LINGO2: variants seen among roughly 807,000 people sequenced by gnomAD.
LINGO2 encodes leucine-rich repeat and immunoglobulin-like domain-containing nogo receptor-interacting protein 2.
LINGO2 carries 14 observed loss-of-function variants against 30.6 expected under a neutral mutation model. The ratio of observed to expected loss-of-function variants is 0.46; its 90% confidence interval spans 0.30 to 0.72. The LOEUF is 0.72. Among genes scored for constraint, LINGO2 ranks in the 30% least tolerant of loss-of-function variants. LINGO2 has a pLI of 0.07. For missense variants in LINGO2, 729 were observed against 751.7 expected (o/e 0.97, Z 0.35); for synonymous variants, 317 against 288.5 (o/e 1.10, Z -1.00).
chr9:29,193,465 C>A, the LINGO2 span, among the ~76,000 whole-genome samples: 1 of 152,076 alleles, frequency 6.6e-6, no homozygotes, highest in African/African-American at 2.4e-5. Context: ...ATCCTCTATT[C>A]CTTCACTTCT....
intron 1 of LINGO2, among the ~76,000 whole-genome samples, chr9:28,576,533 T>C (rs1348862650): frequency 1.3e-5 from 2 of 152,208 alleles, no homozygotes; most frequent in Admixed American, 1.3e-4. Context: ...TATTCCGGAA[T>C]AACTGAATGC....
In LINGO2 at chr9:28,652,442, G is replaced by C. The variant is rs139680383; in HGVS notation, c.-365+17758C>G. On this transcript the variant is annotated intron_variant, in intron 1 of 5. Transcript: ENST00000379992. ...GACAGTTTCAACAACTCCAACTTAA[G>C]GCTTTTGGTCCTCCTGAAACTCATA... Among the ~76,000 whole-genome samples, 348 of 152,178 alleles carry C rather than the reference G, an allele frequency of 2.3e-3. 1 individual carries two copies. The highest frequency in any genetic ancestry group is 8.1e-3 in the African/African-American group (335 of 41,554).
At chr9:28,449,170 G>A (rs929291931) in intron 2 of LINGO2, among the ~76,000 whole-genome samples, 6 of 151,674 alleles carry the variant, frequency 4.0e-5, no homozygotes, top group South Asian at 2.1e-4. Flanking sequence ...AAGGCATCAC[G>A]CCACAGCCTG....
chr9:28,645,667 T>A (rs1422754743), intron 1 of LINGO2, among the ~76,000 whole-genome samples: 1 of 152,102 alleles, frequency 6.6e-6, no homozygotes, highest in Non-Finnish European at 1.5e-5. Context: ...AAGTAATTGA[T>A]GTGTTAGAAG....
At chr9:27,957,100 A>G (rs1007440718) in intron 5 of LINGO2, among the ~76,000 whole-genome samples, 6 of 152,162 alleles carry the variant, frequency 3.9e-5, no homozygotes, top group Non-Finnish European at 8.8e-5. Flanking sequence ...CTACAAAAAT[A>G]TAAATAAGTA....
the LINGO2 span, among the ~76,000 whole-genome samples, chr9:29,018,011 T>C: frequency 7.2e-6 from 1 of 138,600 alleles, no homozygotes; most frequent in Non-Finnish European, 1.5e-5. Context: ...TGGATAAATA[T>C]ATATAAATCT....
the LINGO2 span, among the ~76,000 whole-genome samples, chr9:29,098,744 G>T: frequency 2.0e-5 from 3 of 152,188 alleles, no homozygotes; most frequent in African/African-American, 7.2e-5. Flanking sequence ...AGAAGCCTTT[G>T]ATACTTTTTA....
At chr9:29,130,007 G>A in the LINGO2 span, among the ~76,000 whole-genome samples, 21 of 152,110 alleles carry the variant, frequency 1.4e-4, no homozygotes, top group Non-Finnish European at 2.9e-4. Flanking sequence ...ATAGGAATGT[G>A]GAATTCTTAC....
At chr9:28,366,474 T>C (rs762755854) in intron 3 of LINGO2, among the ~76,000 whole-genome samples, 9 of 152,280 alleles carry the variant, frequency 5.9e-5, no homozygotes, top group Admixed American at 2.6e-4. Context: ...CAAAGCCAAA[T>C]TGCATCTCTC....
chr9:27,986,468 G>A (rs1451780718), intron 5 of LINGO2, among the ~76,000 whole-genome samples: 1 of 151,774 alleles, frequency 6.6e-6, no homozygotes, highest in African/African-American at 2.4e-5. Flanking sequence ...GGTTATATAC[G>A]CAGAGTTTGG....
At chr9:28,337,361 A>T (rs1207779329) in intron 3 of LINGO2, among the ~76,000 whole-genome samples, 1 of 152,176 alleles carries the variant, frequency 6.6e-6, no homozygotes, top group Non-Finnish European at 1.5e-5. Flanking sequence ...TAAACAAATC[A>T]TTCAACAGGA....
At chr9:29,175,657 G>T in the LINGO2 span, among the ~76,000 whole-genome samples, 1 of 151,258 alleles carries the variant, frequency 6.6e-6, no homozygotes, top group Non-Finnish European at 1.5e-5. Context: ...CTCCTGAGTA[G>T]CTGGGATTGC....
chr9:28,189,262 AG>A (rs1447408453), intron 4 of LINGO2, among the ~76,000 whole-genome samples: 10 of 82,552 alleles, frequency 1.2e-4, no homozygotes, highest in Admixed American at 6.9e-4. Context: ...GGAGGAAGGA[AG>A]GGAGGGAGGA....
the LINGO2 span, among the ~76,000 whole-genome samples, chr9:28,724,189 A>G: frequency 1.3e-5 from 2 of 152,142 alleles, no homozygotes; most frequent in Non-Finnish European, 2.9e-5. Flanking sequence ...ACTGCATAAT[A>G]ATATAAACCA....
the LINGO2 span, among the ~76,000 whole-genome samples, chr9:29,178,143 C>T: frequency 6.6e-6 from 1 of 151,908 alleles, no homozygotes; most frequent in Admixed American, 6.6e-5. Flanking sequence ...GGAACCTCCG[C>T]CTCCTGGGTC....
chr9:28,416,504 A>G (rs10812814), intron 2 of LINGO2, among the ~76,000 whole-genome samples: 65,378 of 128,234 alleles, frequency 0.51, 14,737 homozygotes, highest in East Asian at 0.76. Context: ...TTCAAGAGAT[A>G]TTACCTTTTG....
At chr9:28,489,896 CAAAAAAAAAA>C in intron 1 of LINGO2, among the ~76,000 whole-genome samples, 2 of 66,914 alleles carry the variant, frequency 3.0e-5, no homozygotes, top group African/African-American at 5.5e-5. Flanking sequence ...GACTTTGTCT[CAAAAAAAAAA>C]AAAAAAAAAA....
chr9:29,118,893 C>T, the LINGO2 span, among the ~76,000 whole-genome samples: 1 of 152,152 alleles, frequency 6.6e-6, no homozygotes, highest in South Asian at 2.1e-4. Context: ...ATCCATGCCC[C>T]AGTAACAGGT....
Position 28,165,669 on chromosome 9 carries a change from C to T in LINGO2, c.-87+129539G>A, listed in dbSNP as rs113389639. ...ATTGTTTTCCCTTTTTTCCTGATTC[C>T]TTTTGAGCTGGTATATTTCCCTCTA... On this transcript the variant is annotated intron_variant, in intron 4 of 5. Transcript: ENST00000379992. Among the ~76,000 whole-genome samples, 1,099 of 152,120 alleles carry T rather than the reference C, an allele frequency of 7.2e-3. 22 individuals are homozygous for T. The highest frequency in any genetic ancestry group is 0.024 in the African/African-American group (989 of 41,516).
Sources: gnomAD v4.1 joint callset for allele counts (sites outside exome capture counted in the v4.1 genomes callset) on GRCh38, gnomAD v4.1.1 for gene constraint, MANE v1.5 for transcripts, NCBI Gene and HGNC (gene_info 2026-07-23, HGNC 2026-07-21) for gene names.